The following PCDHA11 variants were observed in gnomAD, a reference collection of about 807,000 sequenced individuals.
The protein encoded by PCDHA11 is protocadherin alpha 11, also known as protocadherin alpha-11.
PCDHA11 carries 61 observed loss-of-function variants against 70.3 expected under a neutral mutation model. That is an observed-to-expected ratio of 0.87 (90% confidence interval 0.71 to 1.07). The LOEUF (loss-of-function observed/expected upper bound fraction) is 1.07, where lower values mean the gene tolerates loss of function less well. Ranked by LOEUF, PCDHA11 falls within the 50% of genes least tolerant of loss-of-function variation. The probability of loss-of-function intolerance (pLI) is 0.00; values close to 1 mark genes in which losing one functional copy is unlikely to be tolerated. For synonymous variants in PCDHA11, 633 were observed against 555.1 expected, an observed-to-expected ratio of 1.14 and a Z score of -1.97; for missense variants, 1,324 against 1,237.5, an observed-to-expected ratio of 1.07 and a Z score of -1.05.
intron 1 of PCDHA11, chr5:140,928,082 T>C: frequency 1.2e-6 from 2 of 1,614,212 alleles, no homozygotes. Context: ...TACTACAGCC[T>C]GCTGATTGAT....
At chr5:140,923,362 T>C (rs1294539314) in intron 1 of PCDHA11, among the ~76,000 whole-genome samples, 1 of 152,136 alleles carries the variant, frequency 6.6e-6, no homozygotes, top group East Asian at 1.9e-4. Context: ...CCTATCTTTA[T>C]AAAATATTTT....
intron 1 of PCDHA11, among the ~76,000 whole-genome samples, chr5:140,949,473 G>A (rs2094384488): frequency 6.6e-6 from 1 of 151,492 alleles, no homozygotes; most frequent in South Asian, 2.1e-4. Flanking sequence ...CCTGTTATTA[G>A]GCACACACAT....
At chr5:140,940,557 T>C (rs1554213484) in intron 1 of PCDHA11, among the ~76,000 whole-genome samples, 1 of 152,204 alleles carries the variant, frequency 6.6e-6, no homozygotes. Context: ...CAAGTGATTC[T>C]CCTACCTTGG....
At chr5:140,982,030 C>G (rs2096963361) in intron 2 of PCDHA11, among the ~76,000 whole-genome samples, 1 of 152,196 alleles carries the variant, frequency 6.6e-6, no homozygotes, top group South Asian at 2.1e-4. Flanking sequence ...TGGAACAATA[C>G]TCCAATTATC....
intron 1 of PCDHA11, chr5:140,883,199 G>A (rs782445481): frequency 6.2e-7 from 1 of 1,613,862 alleles, no homozygotes; most frequent in Non-Finnish European, 8.5e-7. Context: ...ACTAGATTTC[G>A]AAGAAAAGAA....
intron 1 of PCDHA11, among the ~76,000 whole-genome samples, chr5:140,914,983 G>C (rs2076933598): frequency 7.2e-6 from 1 of 139,166 alleles, no homozygotes; most frequent in Non-Finnish European, 1.5e-5. Context: ...GTCTTGCTCT[G>C]CTACCAGGCT....
chr5:140,926,034 G>A (rs782564671), intron 1 of PCDHA11, among the ~76,000 whole-genome samples: 1 of 152,158 alleles, frequency 6.6e-6, no homozygotes, highest in Non-Finnish European at 1.5e-5. Context: ...GTTTGATGCG[G>A]ACACTATTCC....
chr5:140,979,081 G>A, intron 2 of PCDHA11, 74 bp downstream of exon 2: 1 of 1,564,866 alleles, frequency 6.4e-7, no homozygotes, highest in South Asian at 1.2e-5. Flanking sequence ...CATCTCCATA[G>A]GCCAGAAGCA....
chr5:140,902,750 A>C (rs1367370245), intron 1 of PCDHA11, among the ~76,000 whole-genome samples: 1 of 151,888 alleles, frequency 6.6e-6, no homozygotes. Flanking sequence ...AATCCATTAT[A>C]TCATTCTTAT....
At chr5:140,909,598 T>A (rs934160611) in intron 1 of PCDHA11, among the ~76,000 whole-genome samples, 1 of 152,198 alleles carries the variant, frequency 6.6e-6, no homozygotes, top group Non-Finnish European at 1.5e-5. Flanking sequence ...ATTTACTATT[T>A]TTCTAGGTAG....
Position 140,869,252 on chromosome 5 carries a change from A to G in PCDHA11, c.149A>G (p.Gln50Arg), listed in dbSNP as rs1204781858. 1.2e-6 allele frequency: 2 copies of G among 1,613,490 alleles called. No homozygotes were observed. Among genetic ancestry groups the G allele is most frequent in the African/African-American group, 2.7e-5 (2 of 74,922 alleles). ...GGCACCTTCGTGGGCCGCATCGCGCAGGACCTGGGGCTGGAGCTGGCGGAG... is the reference window on the plus strand; with the variant it reads ...GGCACCTTCGTGGGCCGCATCGCGCGGGACCTGGGGCTGGAGCTGGCGGAG... ...KHGTFVGRIA[Q>R]DLGLELAELV... Residue 50 changes from glutamine (Q) to arginine (R), a missense_variant, in exon 1 of 4, where the codon CAG becomes CGG. Transcript: ENST00000398640.
At chr5:140,904,125 C>G (rs2070849198) in intron 1 of PCDHA11, among the ~76,000 whole-genome samples, 1 of 151,972 alleles carries the variant, frequency 6.6e-6, no homozygotes, top group East Asian at 1.9e-4. Flanking sequence ...TTTTGGTGCA[C>G]CCATCACCCG....
Position 140,934,368 on chromosome 5 carries a change from CCTT to C in PCDHA11, c.2392-44578_2392-44576del, listed in dbSNP as rs1168343483. Among the ~76,000 whole-genome samples, 5 of 152,220 alleles carry C rather than the reference CCTT, an allele frequency of 3.3e-5. No homozygotes were observed. In the South Asian group the frequency reaches 1.0e-3, roughly 32 times the overall value. On this transcript the variant is annotated intron_variant, in intron 1 of 3. Transcript: ENST00000398640. ...ACAGTGTGGAGCCACTGCTTTGACT[CCTT>C]CTGTGGTTCTATGGTGGCCAGCTTT...
chr5:140,904,826 T>C (rs1251990612), intron 1 of PCDHA11, among the ~76,000 whole-genome samples: 1 of 152,206 alleles, frequency 6.6e-6, no homozygotes. Flanking sequence ...GAGCATTTTT[T>C]TATATGTTTC....
At position 140,870,409 on chromosome 5, in the gene PCDHA11, G is replaced by A. The variant is rs2051982376; in HGVS notation, c.1306G>A (p.Ala436Thr). The stretch of plus-strand genomic sequence containing the variant: ...GGATGGGGGTTCGCCTTCTCTGTGG[G>A]CCACGGCCAGGGTATCCGTGGAGGT... ...ARDGGSPSLW[A>T]TARVSVEVAD... Residue 436 changes from alanine (A) to threonine (T), a missense_variant, in exon 1 of 4, where the codon GCC (alanine) becomes ACC (threonine). Coordinates refer to ENST00000398640, the MANE Select transcript of PCDHA11 (RefSeq NM_018902.5). 3 of 1,614,226 alleles carry A rather than the reference G, an allele frequency of 1.9e-6. No individual in the cohort carries two copies. Among genetic ancestry groups the A allele is most frequent in the African/African-American group, 1.3e-5 (1 of 75,068 alleles).
At chr5:140,982,186 C>G (rs547938149) in intron 2 of PCDHA11, among the ~76,000 whole-genome samples, 34 of 152,372 alleles carry the variant, frequency 2.2e-4, no homozygotes, top group African/African-American at 7.7e-4. Context: ...CTCTGATGGG[C>G]TTCCTGTTAG....
chr5:141,009,760 A>G lies in PCDHA11; in HGVS notation c.2673A>G (p.Gly891=), dbSNP rs782167920. The change falls in exon 4 of 4, where the codon GGA becomes GGG. Residue 891 remains glycine, a synonymous_variant. Coordinates refer to ENST00000398640, the MANE Select transcript of PCDHA11 (RefSeq NM_018902.5). ...GELPDKFIIP[G]SPAIISIRQE... ...TGCCCGACAAATTCATTATCCCAGGATCTCCTGCAATCATCTCCATCCGGC... is the reference window on the plus strand; with the variant it reads ...TGCCCGACAAATTCATTATCCCAGGGTCTCCTGCAATCATCTCCATCCGGC... 6.2e-7 allele frequency: 1 copy of G among 1,614,130 alleles called. No homozygotes were observed. Among genetic ancestry groups the G allele is most frequent in the Non-Finnish European group, 8.5e-7 (1 of 1,180,026 alleles).
At chr5:140,930,842 T>C (rs183476886) in intron 1 of PCDHA11, among the ~76,000 whole-genome samples, 1 of 152,338 alleles carries the variant, frequency 6.6e-6, no homozygotes, top group Admixed American at 6.5e-5. Flanking sequence ...TGAATAAATA[T>C]GTGCATATAT....
chr5:140,883,506 T>A (rs782204819), intron 1 of PCDHA11: 1 of 1,614,078 alleles, frequency 6.2e-7, no homozygotes, highest in Non-Finnish European at 8.5e-7. Context: ...GACAGCGCCC[T>A]GGACCGCGAG....
Sources: allele counts gnomAD v4.1 joint callset (sites outside exome capture counted in the v4.1 genomes callset), GRCh38; gene constraint gnomAD v4.1.1; transcripts MANE v1.5; gene names NCBI Gene and HGNC (gene_info 2026-07-23, HGNC 2026-07-21).